Variants in SND1 observed in about 807,000 individuals in gnomAD.
SND1 encodes staphylococcal nuclease domain-containing protein 1.
SND1 carries 38 observed loss-of-function variants against 121.7 expected under a neutral mutation model. The observed-to-expected ratio is 0.31, with a 90% CI of 0.24 to 0.41. The LOEUF is 0.41. Among genes scored for constraint, SND1 ranks in the 10% least tolerant of loss-of-function variants. The probability of loss-of-function intolerance (pLI) is 1.00; values close to 1 mark genes in which losing one functional copy is unlikely to be tolerated. For missense variants in SND1, 868 were observed against 1,184.6 expected, an observed-to-expected ratio of 0.73 and a Z score of 3.92; for synonymous variants, 401 against 447.4, an observed-to-expected ratio of 0.90 and a Z score of 1.31.
At chr7:127,982,749 A>G (rs1802295246) in intron 15 of SND1, among the ~76,000 whole-genome samples, 1 of 152,198 alleles carries the variant, frequency 6.6e-6, no homozygotes, top group African/African-American at 2.4e-5. Flanking sequence ...GATGGTGTGC[A>G]GTTTTCAATA....
At chr7:127,926,432 C>T (rs1800834359) in intron 14 of SND1, among the ~76,000 whole-genome samples, 1 of 151,880 alleles carries the variant, frequency 6.6e-6, no homozygotes, top group Admixed American at 6.6e-5. Context: ...CTTCGAAATA[C>T]TTGCCTCAAG....
chr7:127,874,304 G>A (rs1402839735), intron 12 of SND1, among the ~76,000 whole-genome samples: 1 of 152,138 alleles, frequency 6.6e-6, no homozygotes, highest in Non-Finnish European at 1.5e-5. Context: ...GGAGATAACA[G>A]TTGACTGTTA....
intron 10 of SND1, among the ~76,000 whole-genome samples, chr7:127,796,202 G>A (rs150547788): frequency 7.4e-4 from 112 of 152,010 alleles, no homozygotes; most frequent in African/African-American, 2.6e-3. Flanking sequence ...TAGCCAGAAG[G>A]TTGAGGAACA....
chr7:128,081,018 A>G (rs1348163454), intron 17 of SND1, among the ~76,000 whole-genome samples: 1 of 150,600 alleles, frequency 6.6e-6, no homozygotes, highest in Non-Finnish European at 1.5e-5. Context: ...CTTTTTTGAG[A>G]CGGAGTCTTG....
intron 16 of SND1, among the ~76,000 whole-genome samples, chr7:128,072,390 G>A (rs1284839034): frequency 6.6e-6 from 1 of 152,190 alleles, no homozygotes. Context: ...TGGAAGACGA[G>A]AGGTCAGGGA....
chr7:127,733,006 AT>A (rs1338008729), intron 10 of SND1, among the ~76,000 whole-genome samples: 1 of 152,180 alleles, frequency 6.6e-6, no homozygotes, highest in East Asian at 1.9e-4. Flanking sequence ...TATGGAAGGA[AT>A]CAGGCTTTAG....
At chr7:127,963,981 G>C (rs1439822908) in intron 15 of SND1, among the ~76,000 whole-genome samples, 1 of 151,422 alleles carries the variant, frequency 6.6e-6, no homozygotes, top group African/African-American at 2.4e-5. Flanking sequence ...TAGTGGTTTT[G>C]ATTTGCATTT....
At chr7:128,091,184 G>A (rs1793772894) in intron 22 of SND1, among the ~76,000 whole-genome samples, 1 of 152,158 alleles carries the variant, frequency 6.6e-6, no homozygotes, top group African/African-American at 2.4e-5. Context: ...GTGGAATCCA[G>A]GGAGTCAGGA....
intron 12 of SND1, among the ~76,000 whole-genome samples, chr7:127,850,883 A>G (rs1799153358): frequency 6.6e-6 from 1 of 152,200 alleles, no homozygotes. Context: ...CTGCCAGCTC[A>G]AGCATAGCAA....
rs199541440 is a variant in SND1, at chr7:127,704,920, G to A, written c.922G>A (p.Ala308Thr). 7 of 1,614,038 alleles carry A rather than the reference G, an allele frequency of 4.3e-6. No individual in the cohort carries two copies. In the East Asian group the frequency reaches 6.7e-5, roughly 15 times the overall value. The change falls in exon 8 of 24, where the codon GCA (alanine) becomes ACA (threonine). Residue 308 changes from alanine to threonine, a missense_variant. Coordinates refer to ENST00000354725, the MANE Select transcript of SND1 (RefSeq NM_014390.4). Reference protein sequence around the residue: ...DWSIAVYTRGAEKLRAAERFA... With the variant: ...DWSIAVYTRGTEKLRAAERFA... The stretch of plus-strand genomic sequence containing the variant: ...GTCGATTGCAGTTTACACCCGGGGC[G>A]CAGAAAAGCTGAGGGCGGCAGAGAG...
intron 10 of SND1, among the ~76,000 whole-genome samples, chr7:127,741,543 A>G (rs1447844111): frequency 6.6e-6 from 1 of 152,060 alleles, no homozygotes; most frequent in Non-Finnish European, 1.5e-5. Context: ...AGGTGACTCT[A>G]ATTCTGAAAG....
At chr7:127,726,710 G>A (rs185579160) in intron 10 of SND1, among the ~76,000 whole-genome samples, 6 of 152,252 alleles carry the variant, frequency 3.9e-5, no homozygotes, top group Admixed American at 3.9e-4. Context: ...CCAGGCATCC[G>A]ATGAAGGGGC....
intron 17 of SND1, among the ~76,000 whole-genome samples, chr7:128,077,037 C>G (rs1444724337): frequency 6.6e-6 from 1 of 152,152 alleles, no homozygotes; most frequent in Non-Finnish European, 1.5e-5. Flanking sequence ...ATGGCAGATG[C>G]CTGTCCCCCC....
chr7:127,920,105 A>G (rs1309265143), intron 14 of SND1, among the ~76,000 whole-genome samples: 1 of 152,202 alleles, frequency 6.6e-6, no homozygotes, highest in Non-Finnish European at 1.5e-5. Flanking sequence ...GTACATTACT[A>G]TACTGATGAA....
intron 1 of SND1, among the ~76,000 whole-genome samples, chr7:127,681,742 C>A (rs1795731640): frequency 2.0e-5 from 3 of 152,196 alleles, no homozygotes; most frequent in Admixed American, 2.0e-4. Flanking sequence ...GAAAGGACTA[C>A]TCTTTCCCCA....
At chr7:127,796,347 A>G (rs1798026124) in intron 10 of SND1, among the ~76,000 whole-genome samples, 1 of 152,170 alleles carries the variant, frequency 6.6e-6, no homozygotes, top group African/African-American at 2.4e-5. Flanking sequence ...ATTAAATCCC[A>G]TAATCACAAG....
rs1238895382 is a variant in SND1 at position 128,000,612 on chromosome 7, G to A, written c.1779+9556G>A. Reference sequence around the variant, plus strand: ...CTCAAACTCTGGGCTCAAGAGATCTGCCTGCCTCAGCCTCCCACAGTGCTG... The same window carrying A: ...CTCAAACTCTGGGCTCAAGAGATCTACCTGCCTCAGCCTCCCACAGTGCTG... On this transcript the variant is annotated intron_variant, in intron 16 of 23. Transcript: ENST00000354725. 2.0e-5 allele frequency among the ~76,000 whole-genome samples: 3 copies of A among 152,200 alleles called. No homozygotes were observed. In the East Asian group the frequency reaches 5.8e-4, roughly 29 times the overall value.
chr7:127,916,175 A>G (rs1254423837), intron 14 of SND1, among the ~76,000 whole-genome samples: 1 of 152,030 alleles, frequency 6.6e-6, no homozygotes, highest in Non-Finnish European at 1.5e-5. Context: ...TTTGCAGTTC[A>G]CCTGGTGATT....
At chr7:127,737,019 C>A (rs1796787838) in intron 10 of SND1, among the ~76,000 whole-genome samples, 1 of 152,050 alleles carries the variant, frequency 6.6e-6, no homozygotes. Context: ...TATTAAATTG[C>A]CCCCTATTGT....
Sources: gnomAD v4.1 joint callset for allele counts (sites outside exome capture counted in the v4.1 genomes callset) on GRCh38, gnomAD v4.1.1 for gene constraint, MANE v1.5 for transcripts, NCBI Gene and HGNC (gene_info 2026-07-23, HGNC 2026-07-21) for gene names.